OCA2: variants seen among roughly 807,000 people sequenced by gnomAD.
OCA2 encodes the protein OCA2 melanosomal transmembrane protein.
OCA2 carries 77 observed loss-of-function variants against 100.2 expected under a neutral mutation model. That is an observed-to-expected ratio of 0.77 (90% CI 0.64 to 0.93). The LOEUF (loss-of-function observed/expected upper bound fraction) is 0.93. Ranked by LOEUF, OCA2 falls within the 40% of genes least tolerant of loss-of-function variation. The probability of loss-of-function intolerance (pLI) is 0.00; values close to 1 mark genes in which losing one functional copy is unlikely to be tolerated. For missense variants in OCA2, 1,062 were observed against 1,089.1 expected, an observed-to-expected ratio of 0.98 and a Z score of 0.35; for synonymous variants, 432 against 439.2, an observed-to-expected ratio of 0.98 and a Z score of 0.21.
intron 3 of OCA2, among the ~76,000 whole-genome samples, chr15:28,030,200 C>T (rs1471119980): frequency 6.6e-6 from 1 of 152,216 alleles, no homozygotes; most frequent in Non-Finnish European, 1.5e-5. Flanking sequence ...TCAGCTTACA[C>T]TCCTTACCCA....
At chr15:28,083,839 G>C (rs936277368) in intron 1 of OCA2, among the ~76,000 whole-genome samples, 2 of 152,124 alleles carry the variant, frequency 1.3e-5, no homozygotes, top group Non-Finnish European at 2.9e-5. Context: ...TATGTAACTG[G>C]TCCTGCTGAG....
chr15:27,872,345 T>C (rs1330926332), intron 19 of OCA2, among the ~76,000 whole-genome samples: 1 of 152,240 alleles, frequency 6.6e-6, no homozygotes, highest in Admixed American at 6.5e-5. Context: ...GCAGTTTTTG[T>C]AATCTTCAAA....
At chr15:28,000,832 C>A (rs2041903059) in intron 9 of OCA2, among the ~76,000 whole-genome samples, 1 of 152,044 alleles carries the variant, frequency 6.6e-6, no homozygotes. Flanking sequence ...AGAAGACATG[C>A]AAATGGCCCC....
chr15:28,069,372 C>CTCCCTA (rs2044128669), intron 2 of OCA2, among the ~76,000 whole-genome samples: 1 of 14,196 alleles, frequency 7.0e-5, no homozygotes, highest in African/African-American at 7.7e-4. Context: ...CCCTCTCCCT[C>CTCCCTA]TCCCTCTCCC....
chr15:28,059,892 T>C (rs766222309), intron 2 of OCA2, among the ~76,000 whole-genome samples: 34 of 152,226 alleles, frequency 2.2e-4, no homozygotes, highest in Non-Finnish European at 4.3e-4. Flanking sequence ...TTTCTTTCTA[T>C]TTAAGAGTCT....
At chr15:28,058,707 C>T (rs1042396801) in intron 2 of OCA2, among the ~76,000 whole-genome samples, 1 of 152,190 alleles carries the variant, frequency 6.6e-6, no homozygotes, top group African/African-American at 2.4e-5. Flanking sequence ...TAGTAATAAT[C>T]CAGGTGACCA....
intron 23 of OCA2, among the ~76,000 whole-genome samples, chr15:27,772,074 G>A (rs1419192580): frequency 2.0e-5 from 3 of 152,226 alleles, no homozygotes; most frequent in African/African-American, 7.2e-5. Context: ...TCCCTGAGCT[G>A]AGCAAGCCGC....
chr15:27,722,742 CTTTCTTCTTCT>C, the OCA2 span, among the ~76,000 whole-genome samples: 2 of 127,296 alleles, frequency 1.6e-5, no homozygotes, highest in African/African-American at 6.0e-5. Context: ...TTTCTTTCTT[CTTTCTTCTTCT>C]TTCCTTCCTT....
At chr15:27,953,029 A>G (rs1434616980) in intron 17 of OCA2, among the ~76,000 whole-genome samples, 1 of 152,020 alleles carries the variant, frequency 6.6e-6, no homozygotes, top group Admixed American at 6.5e-5. Flanking sequence ...ACACCTGTCT[A>G]CCCATCTGTC....
At chr15:27,787,582 G>T (rs879439823) in intron 23 of OCA2, among the ~76,000 whole-genome samples, 9 of 151,944 alleles carry the variant, frequency 5.9e-5, no homozygotes, top group Non-Finnish European at 1.0e-4. Context: ...TGAAAGGCTG[G>T]TAGTAATGTC....
chr15:28,060,907 C>T (rs991462910), intron 2 of OCA2, among the ~76,000 whole-genome samples: 2 of 152,182 alleles, frequency 1.3e-5, no homozygotes, highest in African/African-American at 2.4e-5. Flanking sequence ...CTCACAGGTA[C>T]CATCTGTATT....
At chr15:27,894,595 T>C (rs142153354) in intron 19 of OCA2, among the ~76,000 whole-genome samples, 68 of 152,204 alleles carry the variant, frequency 4.5e-4, no homozygotes, top group Admixed American at 2.9e-3. Context: ...CCAGGTGTGA[T>C]TGTATATATC....
chr15:27,760,152 A>G (rs994786458), intron 23 of OCA2, among the ~76,000 whole-genome samples: 7 of 152,096 alleles, frequency 4.6e-5, no homozygotes, highest in Admixed American at 4.6e-4. Flanking sequence ...TAAATAATTC[A>G]TAGATCCAAG....
chr15:27,966,656 A>T, intron 15 of OCA2, 34 bp downstream of exon 15: 1 of 1,611,784 alleles, frequency 6.2e-7, no homozygotes, highest in South Asian at 1.1e-5. Flanking sequence ...TGGTCATGAA[A>T]TCTGAGCCTA....
chr15:27,756,582 C>G (rs894427381), intron 23 of OCA2, among the ~76,000 whole-genome samples: 4 of 152,102 alleles, frequency 2.6e-5, no homozygotes, highest in African/African-American at 9.7e-5. Flanking sequence ...AACATGTTTG[C>G]AAAATGTCAG....
At chr15:27,800,802 C>CAAA (rs36031742) in intron 23 of OCA2, among the ~76,000 whole-genome samples, 1 of 137,790 alleles carries the variant, frequency 7.3e-6, no homozygotes. Context: ...CTATCTCTAC[C>CAAA]AAAAAAAAAA....
At chr15:27,906,424 G>A (rs1423633067) in intron 19 of OCA2, among the ~76,000 whole-genome samples, 1 of 151,950 alleles carries the variant, frequency 6.6e-6, no homozygotes, top group East Asian at 1.9e-4. Flanking sequence ...AGATATCAAA[G>A]CAAGTAAGAG....
chr15:27,726,175 G>A, the OCA2 span, among the ~76,000 whole-genome samples: 37 of 152,034 alleles, frequency 2.4e-4, no homozygotes, highest in African/African-American at 8.7e-4. Context: ...GCACACGCCT[G>A]TAGTCCCAGC....
At chr15:27,770,931 C>CTTTCTTCCTTCCTTGCTTCCATCT (rs1566949446) in intron 23 of OCA2, among the ~76,000 whole-genome samples, 1 of 28,784 alleles carries the variant, frequency 3.5e-5, no homozygotes, top group Non-Finnish European at 7.7e-5. Context: ...CCCTCTTTTC[C>CTTTCTTCCTTCCTTGCTTCCATCT]TTTCTTCCTT....
Sources: allele counts gnomAD v4.1 joint callset (sites outside exome capture counted in the v4.1 genomes callset), GRCh38; gene constraint gnomAD v4.1.1; transcripts MANE v1.5; gene names NCBI Gene and HGNC (gene_info 2026-07-23, HGNC 2026-07-21).